Variants in TRAPPC12 observed in about 807,000 individuals in gnomAD.
TRAPPC12 encodes the protein trafficking protein particle complex subunit 12.
TRAPPC12 carries 61 observed loss-of-function variants against 69.2 expected under a neutral mutation model. That is an observed-to-expected ratio of 0.88 (90% confidence interval 0.72 to 1.09). TRAPPC12 has a LOEUF of 1.09. Ranked by LOEUF, TRAPPC12 falls within the 50% of genes least tolerant of loss-of-function variation. TRAPPC12 has a pLI of 0.00. For missense variants in TRAPPC12, 1,101 were observed against 1,016.4 expected (o/e 1.08, Z -1.13); for synonymous variants, 469 against 438.9 (o/e 1.07, Z -0.86).
chr2:3,439,216 A>C (rs1440076458), intron 5 of TRAPPC12, among the ~76,000 whole-genome samples: 1 of 152,092 alleles, frequency 6.6e-6, no homozygotes, highest in Non-Finnish European at 1.5e-5. Flanking sequence ...GCATCTTTTT[A>C]TATGCTTGTT....
chr2:3,390,282 C>T (rs1660752919), intron 2 of TRAPPC12, among the ~76,000 whole-genome samples: 2 of 152,182 alleles, frequency 1.3e-5, no homozygotes, highest in Admixed American at 6.5e-5. Context: ...AAAATAGCCT[C>T]TCTAAGGCAG....
chr2:3,458,464 G>A (rs1025342138), intron 7 of TRAPPC12: 23 of 986,148 alleles, frequency 2.3e-5, no homozygotes, highest in African/African-American at 3.5e-5. Context: ...TTCCGCAGGT[G>A]TGCTGGGGTT....
At chr2:3,405,344 C>T (rs916667401) in intron 3 of TRAPPC12, among the ~76,000 whole-genome samples, 2 of 152,088 alleles carry the variant, frequency 1.3e-5, no homozygotes, top group African/African-American at 2.4e-5. Context: ...TCCCTACTGC[C>T]CCATGTCCCT....
intron 8 of TRAPPC12, among the ~76,000 whole-genome samples, chr2:3,463,649 G>A (rs1035251882): frequency 1.7e-4 from 26 of 151,356 alleles, no homozygotes; most frequent in Non-Finnish European, 1.8e-4. Flanking sequence ...CCACGGCATC[G>A]CCCACTAGCA....
At chr2:3,461,808 G>T (rs1030307167) in intron 8 of TRAPPC12, among the ~76,000 whole-genome samples, 1 of 151,390 alleles carries the variant, frequency 6.6e-6, no homozygotes, top group Non-Finnish European at 1.5e-5. Context: ...TGAAAAGTAG[G>T]CCCTCCTGCT....
intron 9 of TRAPPC12, among the ~76,000 whole-genome samples, chr2:3,475,465 T>C (rs1439140477): frequency 7.9e-6 from 1 of 126,370 alleles, no homozygotes; most frequent in Non-Finnish European, 1.7e-5. Context: ...CTACATATTC[T>C]GGAATACTTT....
intron 9 of TRAPPC12, among the ~76,000 whole-genome samples, chr2:3,474,006 A>C (rs763258261): frequency 2.0e-5 from 3 of 152,164 alleles, no homozygotes; most frequent in African/African-American, 7.2e-5. Context: ...ACAGCCATGG[A>C]CTGCAGGACA....
At chr2:3,439,138 A>G (rs1377576206) in intron 5 of TRAPPC12, among the ~76,000 whole-genome samples, 1 of 152,194 alleles carries the variant, frequency 6.6e-6, no homozygotes, top group African/African-American at 2.4e-5. Flanking sequence ...ATTTTTCGCT[A>G]TTCTGATAGG....
intron 7 of TRAPPC12, chr2:3,458,502 T>C (rs150792275): frequency 1.0e-6 from 1 of 963,262 alleles, no homozygotes; most frequent in Non-Finnish European, 1.2e-6. Context: ...TGGTGTGAGC[T>C]GAACGTGTGT....
At chr2:3,391,161 T>G (rs908053240) in intron 2 of TRAPPC12, among the ~76,000 whole-genome samples, 9 of 152,190 alleles carry the variant, frequency 5.9e-5, no homozygotes, top group African/African-American at 1.9e-4. Context: ...ATTAGTAGTT[T>G]CCATATGGCA....
chr2:3,418,288 A>G (rs1325154224), intron 3 of TRAPPC12, among the ~76,000 whole-genome samples: 1 of 152,172 alleles, frequency 6.6e-6, no homozygotes, highest in Non-Finnish European at 1.5e-5. Flanking sequence ...AATGGAAAAC[A>G]TGCCAAATGC....
At chr2:3,464,166 TCA>T (rs531950370) in intron 8 of TRAPPC12, among the ~76,000 whole-genome samples, 322 of 151,756 alleles carry the variant, frequency 2.1e-3, no homozygotes, top group Non-Finnish European at 3.5e-3. Flanking sequence ...ACACACACGC[TCA>T]CACTCATACA....
At chr2:3,422,051 T>C (rs1662828522) in intron 4 of TRAPPC12, 57 bp downstream of exon 4, 7 of 1,361,532 alleles carry the variant, frequency 5.1e-6, no homozygotes, top group Non-Finnish European at 7.2e-6. Flanking sequence ...TCTGGGGACA[T>C]GGACAGGACC....
intron 5 of TRAPPC12, among the ~76,000 whole-genome samples, chr2:3,426,473 C>T (rs533607744): frequency 6.6e-6 from 1 of 152,244 alleles, no homozygotes; most frequent in Non-Finnish European, 1.5e-5. Flanking sequence ...CCAGGAGGAA[C>T]AGACCAAAGC....
intron 5 of TRAPPC12, among the ~76,000 whole-genome samples, chr2:3,428,721 T>G (rs997548627): frequency 3.3e-5 from 5 of 152,122 alleles, no homozygotes; most frequent in African/African-American, 9.7e-5. Context: ...GCGCTGTGTC[T>G]TTCACTTGGT....
chr2:3,477,646 A>T (rs374373567), intron 9 of TRAPPC12, 49 bp from the exon 10 acceptor site: 52 of 1,157,074 alleles, frequency 4.5e-5, no homozygotes, highest in Non-Finnish European at 5.7e-5. Context: ...ATGAGTATAG[A>T]CTTAATATTT....
chr2:3,396,278 C>T (rs564227739), intron 2 of TRAPPC12, among the ~76,000 whole-genome samples: 72 of 151,582 alleles, frequency 4.7e-4, no homozygotes, highest in African/African-American at 1.5e-3. Context: ...AAGATGCCAT[C>T]CCACTGTCTT....
rs113478018 is a variant in TRAPPC12 at position 3,406,861 on chromosome 2, G to A, written c.1164+4968G>A. Among the ~76,000 whole-genome samples, 1,167 of 152,144 alleles carry A rather than the reference G, an allele frequency of 7.7e-3. 21 individuals carry two copies. Among genetic ancestry groups the A allele is most frequent in the African/African-American group, 0.026 (1,087 of 41,500 alleles). ...AGGCTATTTTTTACCCTCTTTGATC[G>A]TTCCTGTTATTAATAAATATATACA... is the stretch of plus-strand genomic sequence containing the variant. On this transcript the variant is annotated intron_variant, in intron 3 of 11. Transcript: ENST00000324266.
intron 3 of TRAPPC12, among the ~76,000 whole-genome samples, chr2:3,415,084 G>C (rs993735702): frequency 1.3e-5 from 2 of 152,124 alleles, no homozygotes; most frequent in Non-Finnish European, 1.5e-5. Flanking sequence ...TAGAGGGTCT[G>C]CTGCTTGTGT....
Sources: gnomAD v4.1 joint callset for allele counts (sites outside exome capture counted in the v4.1 genomes callset) on GRCh38, gnomAD v4.1.1 for gene constraint, MANE v1.5 for transcripts, NCBI Gene and HGNC (gene_info 2026-07-23, HGNC 2026-07-21) for gene names.